The following RAD51AP2 variants were observed in gnomAD, a reference collection of about 807,000 sequenced individuals.
RAD51AP2 encodes RAD51-associated protein 2.
In RAD51AP2, 67 loss-of-function variants were observed where a neutral mutation model predicts 85.5. That is an observed-to-expected ratio of 0.78 (90% CI 0.64 to 0.96). The LOEUF is 0.96. Ranked by LOEUF, RAD51AP2 falls within the 40% of genes least tolerant of loss-of-function variation. The pLI, the probability that RAD51AP2 is intolerant of heterozygous loss-of-function variation, is 0.00. For missense variants in RAD51AP2, 1,307 were observed against 1,332.4 expected, an observed-to-expected ratio of 0.98 and a Z score of 0.30; for synonymous variants, 474 against 446.5, an observed-to-expected ratio of 1.06 and a Z score of -0.78.
chr2:17,511,550 A>G (rs796767984), intron 2 of RAD51AP2, among the ~76,000 whole-genome samples: 2 of 152,254 alleles, frequency 1.3e-5, no homozygotes, highest in African/African-American at 4.8e-5. Flanking sequence ...ATAAAATACA[A>G]TATCTCTAAC....
Position 17,516,024 on chromosome 2 carries a change from G to T in RAD51AP2, c.2392C>A (p.His798Asn). The part of the protein sequence containing the change: ...NVRQQAIPAS[H>N]NIIHNEETHT... ...GTCTCTTCATTATGTATTATGTTGT[G>T]GCTTGCTGGTATGGCCTGTTGCCTA... The change falls in exon 1 of 3, where the codon CAC (histidine) becomes AAC (asparagine). Residue 798 changes from histidine to asparagine, a missense_variant. Physicochemically the swap from His to Asn is moderately conservative, Grantham distance 68. Coordinates refer to ENST00000399080, the MANE Select transcript of RAD51AP2 (RefSeq NM_001099218.3). 1.2e-6 allele frequency: 2 copies of T among 1,613,766 alleles called. No homozygotes were observed. Among genetic ancestry groups the T allele is most frequent in the African/African-American group, 1.3e-5 (1 of 75,002 alleles).
the RAD51AP2 span, among the ~76,000 whole-genome samples, chr2:17,523,863 C>T: frequency 6.6e-6 from 1 of 151,892 alleles, no homozygotes; most frequent in Non-Finnish European, 1.5e-5. Context: ...AGTATAGCCA[C>T]TGCCTACTAT....
Position 17,517,057 on chromosome 2 carries a change from A to G in RAD51AP2, c.1359T>C (p.Asn453=). The part of the protein sequence containing the change: ...KEDYHCAKVI[N]AYEEQSKLLV... ...GAAGCTTTGATTGTTCTTCATATGCATTGATGACTTTTGCACAGTGGTAAT... is the reference window on the plus strand; with the variant it reads ...GAAGCTTTGATTGTTCTTCATATGCGTTGATGACTTTTGCACAGTGGTAAT... The change falls in exon 1 of 3, where the codon AAT becomes AAC. Residue 453 remains asparagine, a synonymous_variant. Coordinates refer to ENST00000399080, the MANE Select transcript of RAD51AP2 (RefSeq NM_001099218.3). 10 of 1,612,060 alleles carry G rather than the reference A, an allele frequency of 6.2e-6. No individual in the cohort carries two copies. Among genetic ancestry groups the G allele is most frequent in the Non-Finnish European group, 7.6e-6 (9 of 1,179,354 alleles).
chr2:17,514,388 A>G (rs576955947), intron 1 of RAD51AP2, among the ~76,000 whole-genome samples: 3 of 152,244 alleles, frequency 2.0e-5, no homozygotes, highest in Non-Finnish European at 4.4e-5. Context: ...AAGCTGTCTC[A>G]AACATTCAAG....
In RAD51AP2 at chr2:17,516,692, G is replaced by C; in HGVS notation, c.1724C>G (p.Pro575Arg). The change falls in exon 1 of 3, where the codon CCT becomes CGT. Residue 575 changes from proline (P) to arginine (R), a missense_variant. This residue lies in a region of RAD51AP2 where 668 missense variants were observed against 671.0 expected (regional missense o/e 1.00). Transcript: ENST00000399080. ...SIYLQDSVSE[P>R]LDILLKTNIA... ...GTTAGTTTTCAATAGAATATCTAAA[G>C]GTTCTGAAACACTATCTTGTAAATA... is the stretch of plus-strand genomic sequence containing the variant. The C allele has an allele frequency of 6.4e-7, 1 of 1,574,020 alleles. No homozygotes were observed. The highest frequency in any genetic ancestry group is 8.6e-7 in the Non-Finnish European group (1 of 1,158,570).
the RAD51AP2 span, among the ~76,000 whole-genome samples, chr2:17,533,792 G>A: frequency 1.3e-5 from 2 of 152,300 alleles, no homozygotes; most frequent in East Asian, 1.9e-4. Context: ...GTGCATGCCT[G>A]TAGTGCTAGC....
chr2:17,523,758 T>G, the RAD51AP2 span, among the ~76,000 whole-genome samples: 1 of 151,962 alleles, frequency 6.6e-6, no homozygotes, highest in Non-Finnish European at 1.5e-5. Flanking sequence ...ATTTTAAGTT[T>G]GTTTATAGTT....
the RAD51AP2 span, among the ~76,000 whole-genome samples, chr2:17,537,308 C>T: frequency 6.6e-6 from 1 of 151,814 alleles, no homozygotes; most frequent in Non-Finnish European, 1.5e-5. Flanking sequence ...GGCAACAGAG[C>T]GAGACCCCTG....
rs1662662910 is a variant in RAD51AP2, at chr2:17,516,275, G to C, written c.2141C>G (p.Pro714Arg). Residue 714 changes from proline to arginine, a missense_variant, in exon 1 of 3, where the codon CCT (proline) becomes CGT (arginine). Pro to Arg is a moderately radical substitution (Grantham distance 103). This residue lies in a region of RAD51AP2 where 668 missense variants were observed against 671.0 expected (regional missense o/e 1.00). Transcript: ENST00000399080. Reference sequence around the variant, plus strand: ...ATTTTCCACATTCACAACTTGTTGAGGACAACTCATATTCTGACAAGTAAT... The same window carrying C: ...ATTTTCCACATTCACAACTTGTTGACGACAACTCATATTCTGACAAGTAAT... ...REITCQNMSCPQQVVNVENWA... is the reference protein window; with the variant it reads ...REITCQNMSCRQQVVNVENWA... 6.2e-7 allele frequency: 1 copy of C among 1,610,534 alleles called. No homozygotes were observed. The highest frequency in any genetic ancestry group is 1.7e-5 in the Admixed American group (1 of 59,476).
At chr2:17,525,692 T>TA in the RAD51AP2 span, among the ~76,000 whole-genome samples, 1 of 152,040 alleles carries the variant, frequency 6.6e-6, no homozygotes, top group Non-Finnish European at 1.5e-5. Flanking sequence ...ATCACCCACT[T>TA]AACTGTAGTT....
chr2:17,519,524 C>T (rs1662809385), upstream of RAD51AP2, among the ~76,000 whole-genome samples: 1 of 152,142 alleles, frequency 6.6e-6, no homozygotes, highest in African/African-American at 2.4e-5. Flanking sequence ...AGAATCCTAA[C>T]TTCAGAACCC....
At position 17,518,225 on chromosome 2, in the gene RAD51AP2, C is replaced by T. The variant is rs779338447; in HGVS notation, c.191G>A (p.Trp64Ter). The change falls in exon 1 of 3, where the codon TGG (tryptophan) becomes TAG (stop). Residue 64 changes from tryptophan to a stop codon, truncating the protein, a stop_gained. Transcript: ENST00000399080. LOFTEE classifies it high-confidence loss of function. ...CTTGAAGGGTCTAGGGGACAACTCCCAGACTTTTTCCGCCTCAGACAAGCG... is the reference window on the plus strand; with the variant it reads ...CTTGAAGGGTCTAGGGGACAACTCCTAGACTTTTTCCGCCTCAGACAAGCG... ...VPRLSEAEKVWELSPRPFKGL... is the reference protein window; with the variant it reads ...VPRLSEAEKV 6.2e-7 allele frequency: 1 copy of T among 1,614,162 alleles called. No homozygotes were observed. Among genetic ancestry groups the T allele is most frequent in the South Asian group, 1.1e-5 (1 of 91,084 alleles).
At chr2:17,513,522 C>T (rs1333911591) in intron 2 of RAD51AP2, among the ~76,000 whole-genome samples, 1 of 152,116 alleles carries the variant, frequency 6.6e-6, no homozygotes, top group Non-Finnish European at 1.5e-5. Context: ...CAGGCGTGAG[C>T]CACCGTGCCT....
the RAD51AP2 span, among the ~76,000 whole-genome samples, chr2:17,530,973 T>A: frequency 1.3e-5 from 2 of 152,340 alleles, no homozygotes; most frequent in East Asian, 3.9e-4. Context: ...TTTCATAAAG[T>A]TTTCAGGTAG....
chr2:17,526,623 A>C, the RAD51AP2 span, among the ~76,000 whole-genome samples: 4,480 of 152,238 alleles, frequency 0.029, 66 homozygotes, highest in Middle Eastern at 0.054. Flanking sequence ...ATGTGGAACC[A>C]AAATATGCCA....
At position 17,517,470 on chromosome 2, in the gene RAD51AP2, T is replaced by C. The variant is rs1360279852; in HGVS notation, c.946A>G (p.Thr316Ala). Reference sequence around the variant, plus strand: ...GAAAAAATGTTTTCCGCTTCTACAGTTTTTTTATCATTCTGTAACTTTTGC... The same window carrying C: ...GAAAAAATGTTTTCCGCTTCTACAGCTTTTTTATCATTCTGTAACTTTTGC... Reference protein sequence around the residue: ...KKQKLQNDKKTVEAENIFSKC... With the variant: ...KKQKLQNDKKAVEAENIFSKC... The change falls in exon 1 of 3, where the codon ACT (threonine) becomes GCT (alanine). Residue 316 changes from threonine (T) to alanine (A), a missense_variant. Physicochemically the swap from Thr to Ala is moderately conservative, Grantham distance 58. Around this residue, in one of 3 missense-constraint regions of RAD51AP2, gnomAD observed 635 missense variants for 643.6 expected, o/e 0.99. Coordinates refer to ENST00000399080, the MANE Select transcript of RAD51AP2 (RefSeq NM_001099218.3). The C allele has an allele frequency of 7.4e-6, 12 of 1,613,682 alleles. No individual in the cohort carries two copies. Among genetic ancestry groups the C allele is most frequent in the Non-Finnish European group, 9.3e-6 (11 of 1,179,904 alleles).
chr2:17,513,118 C>T (rs563022523), intron 2 of RAD51AP2, among the ~76,000 whole-genome samples: 11 of 152,118 alleles, frequency 7.2e-5, no homozygotes, highest in Non-Finnish European at 1.2e-4. Context: ...CCTACCCCTA[C>T]CCTACACCCT....
At chr2:17,536,769 G>A in the RAD51AP2 span, among the ~76,000 whole-genome samples, 1 of 152,154 alleles carries the variant, frequency 6.6e-6, no homozygotes, top group East Asian at 1.9e-4. Flanking sequence ...ATTAAAACTA[G>A]AATTTTTATT....
chr2:17,530,584 C>CA, the RAD51AP2 span, among the ~76,000 whole-genome samples: 1,200 of 80,222 alleles, frequency 0.015, 216 homozygotes, highest in African/African-American at 0.064. Flanking sequence ...GGCCCTGTCT[C>CA]AAAAAAAAAA....
Sources: allele counts gnomAD v4.1 joint callset (sites outside exome capture counted in the v4.1 genomes callset), GRCh38; gene constraint gnomAD v4.1.1; regional missense constraint gnomAD v4.1.1; transcripts MANE v1.5; gene names NCBI Gene and HGNC (gene_info 2026-07-23, HGNC 2026-07-21).